The following SLC5A4 variants were observed in gnomAD, a reference collection of about 807,000 sequenced individuals.
SLC5A4 encodes probable glucose sensor protein SLC5A4.
SLC5A4 carries 55 observed loss-of-function variants against 70.3 expected under a neutral mutation model. That is an observed-to-expected ratio of 0.78 (90% CI 0.63 to 0.98). SLC5A4 has a LOEUF of 0.98. SLC5A4 is among the 50% of genes least tolerant of loss of function. SLC5A4 has a pLI of 0.00. For missense variants in SLC5A4, 735 were observed against 839.2 expected (o/e 0.88, Z 1.53); for synonymous variants, 268 against 305.7 (o/e 0.88, Z 1.29).
intron 3 of SLC5A4, among the ~76,000 whole-genome samples, chr22:32,250,177 A>G (rs931303741): frequency 6.6e-5 from 10 of 152,166 alleles, no homozygotes; most frequent in African/African-American, 2.4e-4. Flanking sequence ...AGTGATGTGC[A>G]TGGAATGGGC....
rs560896055 is a variant in SLC5A4, at chr22:32,248,469, C to T, written c.372+274G>A. ...CCTTGCCCATTATAATTGTCTAACC[C>T]ACCACCAGCTTCCTGTTGACCGACT... On this transcript the variant is annotated intron_variant, in intron 4 of 14. Coordinates refer to ENST00000266086, the MANE Select transcript of SLC5A4 (RefSeq NM_014227.3). 1.4e-4 allele frequency among the ~76,000 whole-genome samples: 22 copies of T among 152,216 alleles called. No individual in the cohort carries two copies. The South Asian group carries it at 4.4e-3, about 30-fold the overall frequency.
At chr22:32,281,599 G>A in the SLC5A4 span, among the ~76,000 whole-genome samples, 8 of 152,094 alleles carry the variant, frequency 5.3e-5, no homozygotes, top group Non-Finnish European at 1.2e-4. Flanking sequence ...TCCAATCACA[G>A]CTCACTGCTG....
chr22:32,290,110 C>A, the SLC5A4 span, among the ~76,000 whole-genome samples: 1 of 152,040 alleles, frequency 6.6e-6, no homozygotes, highest in African/African-American at 2.4e-5. Context: ...ACTTTAAGTT[C>A]TGGGATGCAT....
the SLC5A4 span, among the ~76,000 whole-genome samples, chr22:32,304,199 C>T: frequency 1.3e-5 from 2 of 152,098 alleles, no homozygotes; most frequent in Non-Finnish European, 2.9e-5. Context: ...CAATCTCAGC[C>T]TACTGCAACC....
the SLC5A4 span, among the ~76,000 whole-genome samples, chr22:32,296,467 T>G: frequency 1.6e-5 from 1 of 61,694 alleles, no homozygotes; most frequent in Non-Finnish European, 3.2e-5. Context: ...CTGTTGTTGG[T>G]GTATAAGAAT....
chr22:32,271,288 G>A, the SLC5A4 span: 3 of 750,632 alleles, frequency 4.0e-6, no homozygotes, highest in East Asian at 8.8e-5. Flanking sequence ...CACCACACAG[G>A]GCGAGGCCCG....
the SLC5A4 span, among the ~76,000 whole-genome samples, chr22:32,289,420 C>T: frequency 1.3e-5 from 2 of 152,192 alleles, no homozygotes; most frequent in South Asian, 2.1e-4. Flanking sequence ...ATGCTGTTCT[C>T]GTGAGAGTGA....
chr22:32,351,180 T>C, the SLC5A4 span, among the ~76,000 whole-genome samples: 2 of 152,170 alleles, frequency 1.3e-5, no homozygotes, highest in African/African-American at 2.4e-5. Context: ...TCTCATACAC[T>C]GGAACTTATT....
chr22:32,312,125 T>C, the SLC5A4 span, among the ~76,000 whole-genome samples: 1 of 152,042 alleles, frequency 6.6e-6, no homozygotes, highest in Non-Finnish European at 1.5e-5. Flanking sequence ...CCTGAGTATT[T>C]TTGTTACAGG....
the SLC5A4 span, among the ~76,000 whole-genome samples, chr22:32,317,555 T>C: frequency 2.6e-5 from 4 of 152,180 alleles, no homozygotes; most frequent in African/African-American, 9.6e-5. Flanking sequence ...CTCAAACTCC[T>C]GGGCTCAAGT....
chr22:32,350,610 A>G, the SLC5A4 span, among the ~76,000 whole-genome samples: 3 of 152,118 alleles, frequency 2.0e-5, no homozygotes, highest in Admixed American at 2.0e-4. Flanking sequence ...CGGTATTCAA[A>G]TTTTTTCTAT....
chr22:32,228,849 G>A (rs574658291), intron 11 of SLC5A4, among the ~76,000 whole-genome samples: 21 of 152,232 alleles, frequency 1.4e-4, no homozygotes, highest in African/African-American at 4.1e-4. Context: ...GAAACTGCTA[G>A]AGACAATGCA....
chr22:32,274,333 C>T, the SLC5A4 span, among the ~76,000 whole-genome samples: 1 of 152,128 alleles, frequency 6.6e-6, no homozygotes, highest in Non-Finnish European at 1.5e-5. Flanking sequence ...AGCCACTGCG[C>T]CCGGCCCAAC....
upstream of SLC5A4, among the ~76,000 whole-genome samples, chr22:32,256,681 C>G (rs1031357410): frequency 6.6e-6 from 1 of 152,104 alleles, no homozygotes; most frequent in South Asian, 2.1e-4. Flanking sequence ...CAATATTTTC[C>G]TCTTTGGTTT....
chr22:32,306,126 T>G, the SLC5A4 span, among the ~76,000 whole-genome samples: 1 of 152,152 alleles, frequency 6.6e-6, no homozygotes, highest in Admixed American at 6.6e-5. Context: ...AGGGAACAGT[T>G]GACATGACAC....
At chr22:32,329,608 T>C in the SLC5A4 span, among the ~76,000 whole-genome samples, 2 of 111,180 alleles carry the variant, frequency 1.8e-5, no homozygotes. Flanking sequence ...CTGGTGTGTG[T>C]GTTGGCTCTG....
At chr22:32,309,435 A>G in the SLC5A4 span, among the ~76,000 whole-genome samples, 7 of 152,166 alleles carry the variant, frequency 4.6e-5, no homozygotes, top group African/African-American at 1.4e-4. Context: ...AAAAAGTAAG[A>G]GTAGGCAGCT....
At chr22:32,322,430 C>A in the SLC5A4 span, among the ~76,000 whole-genome samples, 1 of 152,002 alleles carries the variant, frequency 6.6e-6, no homozygotes, top group Admixed American at 6.5e-5. Context: ...ACTAAAAATA[C>A]AAAAATTAGC....
chr22:32,227,390 C>T (rs187930800), intron 11 of SLC5A4, among the ~76,000 whole-genome samples: 1 of 152,286 alleles, frequency 6.6e-6, no homozygotes, highest in Admixed American at 6.5e-5. Flanking sequence ...AGCATTTGTC[C>T]AGAGTCAAGC....
Sources: allele counts gnomAD v4.1 joint callset (sites outside exome capture counted in the v4.1 genomes callset), GRCh38; gene constraint gnomAD v4.1.1; transcripts MANE v1.5; gene names NCBI Gene and HGNC (gene_info 2026-07-23, HGNC 2026-07-21).